Variants in PRRC2C observed in about 807,000 individuals in gnomAD.
The protein encoded by PRRC2C is proline rich coiled-coil 2C, also known as protein PRRC2C.
PRRC2C carries 72 observed loss-of-function variants against 317.2 expected under a neutral mutation model. The observed-to-expected ratio is 0.23, with a 90% CI of 0.19 to 0.28. PRRC2C has a LOEUF of 0.28. Ranked by LOEUF, PRRC2C falls within the 10% of genes least tolerant of loss-of-function variation. The probability of loss-of-function intolerance (pLI) is 1.00; values close to 1 mark genes in which losing one functional copy is unlikely to be tolerated. For missense variants in PRRC2C, 3,074 were observed against 3,459.7 expected (o/e 0.89, Z 2.80); for synonymous variants, 1,296 against 1,205.9 (o/e 1.07, Z -1.55).
At chr1:171,583,864 G>A in intron 28 of PRRC2C, 92 bp from the exon 29 acceptor site, 1 of 1,025,890 alleles carries the variant, frequency 9.7e-7, no homozygotes, top group Non-Finnish European at 1.5e-6. Flanking sequence ...GCACATGACT[G>A]TATTGGGTCA....
At chr1:171,582,433 A>G (rs1034402781) in intron 28 of PRRC2C, among the ~76,000 whole-genome samples, 1 of 152,160 alleles carries the variant, frequency 6.6e-6, no homozygotes, top group African/African-American at 2.4e-5. Flanking sequence ...AGTGCATCCA[A>G]GTATCAGTGA....
intron 30 of PRRC2C, among the ~76,000 whole-genome samples, chr1:171,586,406 C>T (rs901159942): frequency 6.6e-6 from 1 of 151,122 alleles, no homozygotes; most frequent in Non-Finnish European, 1.5e-5. Flanking sequence ...GTCAAATTCT[C>T]TACTTGTGGT....
At chr1:171,512,538 G>A (rs1671569934) in intron 2 of PRRC2C, 1 of 278,502 alleles carries the variant, frequency 3.6e-6, no homozygotes, top group Non-Finnish European at 7.1e-6. Context: ...TTTAATTATA[G>A]ACTAGAGAAA....
In PRRC2C at chr1:171,564,807, A is replaced by G. The variant is rs1683344958; in HGVS notation, c.6118-1426A>G. Among the ~76,000 whole-genome samples, 3 of 152,236 alleles carry G rather than the reference A, an allele frequency of 2.0e-5. 1 individual carries two copies. In the South Asian group the frequency reaches 6.2e-4, roughly 31 times the overall value. ...TAATTTTATGGAACCACCCTTGTAT[A>G]TGTGGTCCATCATTGGCTAAACATC... On this transcript the variant is annotated intron_variant, in intron 20 of 34. Transcript: ENST00000647382.
intron 11 of PRRC2C, among the ~76,000 whole-genome samples, chr1:171,531,514 T>A (rs1675877159): frequency 6.6e-6 from 1 of 152,234 alleles, no homozygotes; most frequent in Non-Finnish European, 1.5e-5. Flanking sequence ...CGTTGTGTCA[T>A]TGTTTAATCT....
chr1:171,579,150 A>G (rs1647927201), intron 26 of PRRC2C, among the ~76,000 whole-genome samples: 1 of 152,010 alleles, frequency 6.6e-6, no homozygotes, highest in South Asian at 2.1e-4. Flanking sequence ...CACAAGTACT[A>G]GTTATGTTTG....
intron 1 of PRRC2C, among the ~76,000 whole-genome samples, chr1:171,488,919 C>T (rs1259476898): frequency 2.0e-5 from 3 of 152,120 alleles, no homozygotes; most frequent in Admixed American, 6.5e-5. Context: ...GATGGAATAT[C>T]ATTTGAGGAG....
rs887999856 is a variant in PRRC2C at position 171,524,864 on chromosome 1, A to G, written c.1099A>G (p.Lys367Glu). 5 of 1,597,746 alleles carry G rather than the reference A, an allele frequency of 3.1e-6. No homozygotes were observed. Among genetic ancestry groups the G allele is most frequent in the Admixed American group, 3.5e-5 (2 of 57,394 alleles). ...AGCCTCTGAAAACAACGAAAACAAA[A>G]AAGAAACAGATGAAGTTTCCAACAC... Reference protein sequence around the residue: ...SKASENNENKKETDEVSNTKS... With the variant: ...SKASENNENKEETDEVSNTKS... The change falls in exon 10 of 35, where the codon AAA becomes GAA. Residue 367 changes from lysine to glutamate, a missense_variant. Around this residue, in one of 11 missense-constraint regions of PRRC2C, gnomAD observed 1,320 missense variants for 1,395.7 expected, o/e 0.95. Transcript: ENST00000647382.
In PRRC2C at chr1:171,541,764, A is replaced by T. The variant is rs771191004; in HGVS notation, c.4298A>T (p.Gln1433Leu). The T allele has an allele frequency of 1.2e-6, 2 of 1,613,988 alleles. No individual in the cohort carries two copies. The highest frequency in any genetic ancestry group is 1.7e-6 in the Non-Finnish European group (2 of 1,179,884). Reference protein sequence around the residue: ...RRQRPTRPPRQDKPPRFRRLR... With the variant: ...RRQRPTRPPRLDKPPRFRRLR... ...CAGCGTCCTACTCGACCACCAAGGC[A>T]AGACAAGCCACCTCGATTTAGACGG... The change falls in exon 16 of 35, where the codon CAA becomes CTA. Residue 1433 changes from glutamine to leucine, a missense_variant. Physicochemically the swap from Gln to Leu is moderately radical, Grantham distance 113. Transcript: ENST00000647382. This position sits in a 1 kb window ranked among gnomAD's most constrained non-coding sequence, Gnocchi z 4.1.
chr1:171,538,985 C>T (rs1012392336), intron 15 of PRRC2C, among the ~76,000 whole-genome samples: 39 of 151,320 alleles, frequency 2.6e-4, no homozygotes, highest in Admixed American at 1.4e-3. Context: ...GGATTACAGG[C>T]ATGAGCCACC....
chr1:171,566,607 C>A lies in PRRC2C; in HGVS notation c.6322C>A (p.Pro2108Thr). 1 of 1,585,736 alleles carries A rather than the reference C, an allele frequency of 6.3e-7. No homozygotes were observed. The highest frequency in any genetic ancestry group is 8.6e-7 in the Non-Finnish European group (1 of 1,166,874). ...TTGACTTTAGCTTCCAGATTTGAGT[C>A]CAGTAGAAAACAAAGAACACAAACC... The part of the protein sequence containing the change: ...IKAQKLPDLS[P>T]VENKEHKPGP... The change falls in exon 22 of 35, where the codon CCA becomes ACA. Residue 2108 changes from proline (P) to threonine (T), a missense_variant. Pro to Thr is a conservative substitution (Grantham distance 38). Transcript: ENST00000647382.
chr1:171,507,025 TCC>T (rs1670378965), intron 1 of PRRC2C, among the ~76,000 whole-genome samples: 1 of 152,016 alleles, frequency 6.6e-6, no homozygotes, highest in Admixed American at 6.6e-5. Flanking sequence ...TTGATTCCCC[TCC>T]CCACCCCCCT....
rs1685810122 is a variant in PRRC2C at position 171,577,008 on chromosome 1, A to G, written c.6956-426A>G. Among the ~76,000 whole-genome samples, 2 of 152,202 alleles carry G rather than the reference A, an allele frequency of 1.3e-5. 1 individual carries two copies. The highest frequency in any genetic ancestry group is 4.1e-4 in the South Asian group (2 of 4,832). On this transcript the variant is annotated intron_variant, in intron 25 of 34. Coordinates refer to ENST00000647382, the MANE Select transcript of PRRC2C (RefSeq NM_001387844.1). ...GACCAGTTGAGATCTTTCAAGGCCC[A>G]TGTATATTCATAATTATTTCTAAGG...
In PRRC2C at chr1:171,592,670, T is replaced by A. The variant is rs968638670; in HGVS notation, c.*823T>A. 1.3e-5 allele frequency: 2 copies of A among 152,182 alleles called. No individual in the cohort carries two copies. Among genetic ancestry groups the A allele is most frequent in the African/African-American group, 4.8e-5 (2 of 41,448 alleles). The allele number at this position is 152,182 out of a possible 1,614,324, so 9.4% of individuals were successfully genotyped here. A position where few individuals can be genotyped will look rare whatever the true frequency, so the allele number is the denominator to read the frequency against. The stretch of plus-strand genomic sequence containing the variant: ...TTGAGTCTTCCTTGCCCCCACTCAG[T>A]CATCTTTGTATGAATCCCATGATTT... On this transcript the variant is annotated 3_prime_UTR_variant, in exon 35 of 35. Transcript: ENST00000647382.
Position 171,592,182 on chromosome 1 carries a change from A to C in PRRC2C, c.*335A>C. On this transcript the variant is annotated 3_prime_UTR_variant, in exon 35 of 35. Transcript: ENST00000647382. ...CTTATGATTAGATGAAACACCAAAAATATAAGGAAAATAACACAGCAGAGG... is the reference window on the plus strand; with the variant it reads ...CTTATGATTAGATGAAACACCAAAACTATAAGGAAAATAACACAGCAGAGG... 1 of 211,732 alleles carries C rather than the reference A, an allele frequency of 4.7e-6. No individual in the cohort carries two copies. 13.1% of individuals were successfully genotyped at this position (211,732 alleles called of 1,614,324 possible).
chr1:171,543,220 AT>A lies in PRRC2C; in HGVS notation c.4763+993del, dbSNP rs1195688334. On this transcript the variant is annotated intron_variant, in intron 16 of 34. Transcript: ENST00000647382. ...CCGTCCTCTACTAAAAATACAAAAA[AT>A]TAGCCAGGTGTGGTGGCAGGCGCCA... Among the ~76,000 whole-genome samples, 10 of 151,184 alleles carry A rather than the reference AT, an allele frequency of 6.6e-5. No individual in the cohort carries two copies. In the East Asian group the frequency reaches 1.8e-3, roughly 27 times the overall value.
intron 14 of PRRC2C, among the ~76,000 whole-genome samples, chr1:171,536,950 C>A (rs1387832724): frequency 1.3e-5 from 2 of 152,170 alleles, no homozygotes; most frequent in Non-Finnish European, 2.9e-5. Flanking sequence ...CATCCAGAGT[C>A]ACAGTACTTG....
chr1:171,586,543 GTATTT>G (rs560341256), intron 30 of PRRC2C, among the ~76,000 whole-genome samples: 25,340 of 131,944 alleles, frequency 0.19, 2,543 homozygotes, highest in African/African-American at 0.26. Flanking sequence ...TGTGTTCTAT[GTATTT>G]TATTTTATTT....
rs1217286672 is a variant in PRRC2C at position 171,535,601 on chromosome 1, A to G, written c.2043+4A>G. 5 of 1,612,832 alleles carry G rather than the reference A, an allele frequency of 3.1e-6. No homozygotes were observed. In the African/African-American group the frequency reaches 5.3e-5, roughly 17 times the overall value. On this transcript the variant is annotated splice_donor_region_variant and intron_variant, in intron 13 of 34. Transcript: ENST00000647382. ...TCCACGATTCCAGCGGCAGCAGGTA[A>G]TGATAAAAATATTTTATCATGTATG... is the stretch of plus-strand genomic sequence containing the variant.
Sources: gnomAD v4.1 joint callset for allele counts (sites outside exome capture counted in the v4.1 genomes callset) on GRCh38, gnomAD v4.1.1 for gene constraint, gnomAD v4.1.1 regional missense constraint, Gnocchi (gnomAD v3.1) non-coding constraint, MANE v1.5 for transcripts, NCBI Gene and HGNC (gene_info 2026-07-23, HGNC 2026-07-21) for gene names.